Variants in BAHCC1 observed in about 807,000 individuals in gnomAD.
BAHCC1 encodes the protein BAH and coiled-coil domain-containing protein 1.
Under a neutral mutation model 88.2 loss-of-function variants are expected in BAHCC1, and 43 were observed. The ratio of observed to expected loss-of-function variants is 0.49; its 90% CI spans 0.38 to 0.63. The LOEUF (loss-of-function observed/expected upper bound fraction) is 0.63. Ranked by LOEUF, BAHCC1 falls within the 20% of genes least tolerant of loss-of-function variation. The pLI, the probability that BAHCC1 is intolerant of heterozygous loss-of-function variation, is 0.00. For missense variants in BAHCC1, 3,023 were observed against 1,654.8 expected, an observed-to-expected ratio of 1.83 and a Z score of -14.34; for synonymous variants, 1,510 against 745.5, an observed-to-expected ratio of 2.03 and a Z score of -16.71.
chr17:81,444,355 G>T (rs1555653627), intron 6 of BAHCC1, 26 bp from the exon 7 acceptor site: 1 of 719,148 alleles, frequency 1.4e-6, no homozygotes, highest in Admixed American at 1.9e-5. Flanking sequence ...GGCGCCGGCG[G>T]CAGGGCTGAG....
In BAHCC1 at chr17:81,414,084, G is replaced by T. The variant is rs116191208; in HGVS notation, c.179-12716G>T. On this transcript the variant is annotated intron_variant, in intron 2 of 27. Transcript: ENST00000675386. ...CTAGACTCTCCTCTGAAGCTGTGGGGGTGCCTTCTGAGCCCTGACCCGTGC... is the reference window on the plus strand; with the variant it reads ...CTAGACTCTCCTCTGAAGCTGTGGGTGTGCCTTCTGAGCCCTGACCCGTGC... Among the ~76,000 whole-genome samples the T allele has an allele frequency of 1.5e-3, 223 of 152,306 alleles. 1 individual carries two copies. The highest frequency in any genetic ancestry group is 5.1e-3 in the African/African-American group (214 of 41,566).
chr17:81,460,238 T>TG (rs1555658704), intron 23 of BAHCC1, 39 bp from the exon 24 acceptor site: 1 of 730,866 alleles, frequency 1.4e-6, no homozygotes, highest in Non-Finnish European at 2.5e-6. Context: ...GGGCGCCTAC[T>TG]GGGGGTTCCA....
At chr17:81,423,066 G>A (rs908963797) in intron 2 of BAHCC1, among the ~76,000 whole-genome samples, 4 of 152,072 alleles carry the variant, frequency 2.6e-5, no homozygotes, top group Non-Finnish European at 5.9e-5. Context: ...CCCCTGGCTC[G>A]CGGGCACCTT....
Position 81,411,494 on chromosome 17 carries a change from G to T in BAHCC1, c.178+11577G>T, listed in dbSNP as rs1018726552. The T allele has an allele frequency of 6.0e-4, 178 of 295,896 alleles. No individual in the cohort carries two copies. The African/African-American group carries it at 6.1e-3, about 10-fold the overall frequency. 18.3% of individuals were successfully genotyped at this position (295,896 alleles called of 1,614,324 possible). ...CCCACCCCTGCCTGCCTGCCTGCCT[G>T]CCTGCCTGCCTGCCTGCCTGCCTTC... On this transcript the variant is annotated intron_variant, in intron 2 of 27. Coordinates refer to ENST00000675386, the MANE Select transcript of BAHCC1 (RefSeq NM_001377448.1). The surrounding 1 kb of genome is among the most constrained non-coding windows in gnomAD (Gnocchi z 6.2).
In BAHCC1 at chr17:81,445,348, T is replaced by G. The variant is rs1940383489; in HGVS notation, c.2836-6T>G. On this transcript the variant is annotated splice_region_variant and splice_polypyrimidine_tract_variant and intron_variant, in intron 9 of 27. Coordinates refer to ENST00000675386, the MANE Select transcript of BAHCC1 (RefSeq NM_001377448.1). ...GCCTGACCGAGCTTGCCCCCATCCC[T>G]GACAGCGGAAGCCCGAAGACCAGCA... 1.3e-6 allele frequency: 1 copy of G among 771,394 alleles called. No homozygotes were observed. The highest frequency in any genetic ancestry group is 1.7e-5 in the African/African-American group (1 of 58,842). 47.8% of individuals were successfully genotyped at this position (771,394 alleles called of 1,614,324 possible). A position where few individuals can be genotyped will look rare whatever the true frequency, so the allele number is the denominator to read the frequency against.
chr17:81,431,948 A>G (rs2064265664), intron 3 of BAHCC1, among the ~76,000 whole-genome samples: 1 of 152,190 alleles, frequency 6.6e-6, no homozygotes, highest in South Asian at 2.1e-4. Context: ...CAGGCACCGC[A>G]GGACAGGGCA....
Position 81,457,326 on chromosome 17 carries a change from C to T in BAHCC1, c.4859-84C>T, listed in dbSNP as rs1035425127. ...GCTCCACTCACAGCCCCGCCATAACCGCATGCCCAGAGGGTCACCTCCCCC... is the reference window on the plus strand; with the variant it reads ...GCTCCACTCACAGCCCCGCCATAACTGCATGCCCAGAGGGTCACCTCCCCC... On this transcript the variant is annotated intron_variant, in intron 16 of 27. Coordinates refer to ENST00000675386, the MANE Select transcript of BAHCC1 (RefSeq NM_001377448.1). 73 of 682,922 alleles carry T rather than the reference C, an allele frequency of 1.1e-4. 1 individual carries two copies. Among genetic ancestry groups the T allele is most frequent in the Non-Finnish European group, 1.5e-4 (56 of 370,888 alleles). The allele number at this position is 682,922 out of a possible 1,614,324, so 42.3% of individuals were successfully genotyped here.
In BAHCC1 at chr17:81,461,619, C is replaced by T; in HGVS notation, c.6956C>T (p.Ser2319Phe). The change falls in exon 26 of 28, where the codon TCC (serine) becomes TTC (phenylalanine). Residue 2319 changes from serine (S) to phenylalanine (F), a missense_variant. Coordinates refer to ENST00000675386, the MANE Select transcript of BAHCC1 (RefSeq NM_001377448.1). ...CTCGCCCGCCTGTCCGTGTCCTCTT[C>T]CTCCTCTGGCTCGTCCACCTCCTCC... ...RFLARLSVSS[S>F]SSGSSTSSSS... The T allele has an allele frequency of 1.4e-6, 1 of 739,470 alleles. No homozygotes were observed. The highest frequency in any genetic ancestry group is 2.5e-5 in the East Asian group (1 of 39,494). 45.8% of individuals were successfully genotyped at this position (739,470 alleles called of 1,614,324 possible).
rs781788917 is a variant in BAHCC1 at position 81,461,364 on chromosome 17, G to A, written c.6701G>A (p.Ser2234Asn). The A allele has an allele frequency of 1.4e-6, 1 of 725,942 alleles. No individual in the cohort carries two copies. The highest frequency in any genetic ancestry group is 2.5e-6 in the Non-Finnish European group (1 of 394,224). 45.0% of individuals were successfully genotyped at this position (725,942 alleles called of 1,614,324 possible). ...TTGCTCATGGGGGACAAGGACTTCA[G>A]CCCCAAGCTCGGGCGGCCCCTGCCC... is the stretch of plus-strand genomic sequence containing the variant. ...KALLMGDKDFSPKLGRPLPSP... is the reference protein window; with the variant it reads ...KALLMGDKDFNPKLGRPLPSP... Residue 2234 changes from serine to asparagine, a missense_variant, in exon 26 of 28, where the codon AGC (serine) becomes AAC (asparagine). Coordinates refer to ENST00000675386, the MANE Select transcript of BAHCC1 (RefSeq NM_001377448.1).
In BAHCC1 at chr17:81,434,841, G is replaced by A. The variant is rs1018616233; in HGVS notation, c.359-3529G>A. Among the ~76,000 whole-genome samples, 2 of 152,058 alleles carry A rather than the reference G, an allele frequency of 1.3e-5. No individual in the cohort carries two copies. Among genetic ancestry groups the A allele is most frequent in the African/African-American group, 4.8e-5 (2 of 41,390 alleles). On this transcript the variant is annotated intron_variant, in intron 3 of 27. Coordinates refer to ENST00000675386, the MANE Select transcript of BAHCC1 (RefSeq NM_001377448.1). This position sits in a 1 kb window ranked among gnomAD's most constrained non-coding sequence, Gnocchi z 4.9. ...AGGGCCTCGACGTGCGGGGCTGTTG[G>A]GAAAATGTGCTGTGTCAGAACGCAG...
In BAHCC1 at chr17:81,450,575, C is replaced by A. The variant is rs573548881; in HGVS notation, c.3977-1093C>A. Among the ~76,000 whole-genome samples the A allele has an allele frequency of 9.1e-4, 138 of 152,334 alleles. 1 individual carries two copies. The highest frequency in any genetic ancestry group is 1.8e-3 in the Admixed American group (27 of 15,308). ...CCTTCCTCCTGACCTGTGTTCAGCC[C>A]ATGGCCCTCCTGCCTGCCCCAGGGC... On this transcript the variant is annotated intron_variant, in intron 11 of 27. Coordinates refer to ENST00000675386, the MANE Select transcript of BAHCC1 (RefSeq NM_001377448.1).
chr17:81,449,293 G>A (rs945213631), intron 11 of BAHCC1, among the ~76,000 whole-genome samples: 33 of 150,188 alleles, frequency 2.2e-4, no homozygotes, highest in Admixed American at 1.3e-4. Flanking sequence ...CCCCACCCCT[G>A]CCCCTGCCCT....
chr17:81,451,950 C>T, intron 12 of BAHCC1, 21 bp from the exon 13 acceptor site: 1 of 611,034 alleles, frequency 1.6e-6, no homozygotes, highest in Non-Finnish European at 2.9e-6. Context: ...GGCTCACAGG[C>T]CCCTGTGCCC....
intron 1 of BAHCC1, among the ~76,000 whole-genome samples, chr17:81,397,397 A>G (rs1385176900): frequency 1.2e-4 from 18 of 144,326 alleles, no homozygotes; most frequent in African/African-American, 3.3e-4. Context: ...ATTGGAGAGA[A>G]AAAAAAAAAA....
At chr17:81,427,032 C>T (rs1466380565) in intron 3 of BAHCC1, 53 bp downstream of exon 3, 2 of 398,350 alleles carry the variant, frequency 5.0e-6, no homozygotes, top group Admixed American at 4.4e-5. Context: ...AGAGACTGAC[C>T]CTGGTGCCCG....
In BAHCC1 at chr17:81,458,484, G is replaced by T; in HGVS notation, c.5343+18G>T. 2.9e-6 allele frequency: 2 copies of T among 686,544 alleles called. No homozygotes were observed. Among genetic ancestry groups the T allele is most frequent in the Non-Finnish European group, 2.7e-6 (1 of 372,850 alleles). 42.5% of individuals were successfully genotyped at this position (686,544 alleles called of 1,614,324 possible). Reference sequence around the variant, plus strand: ...TGCTGCGGGTGAGGCTGGGCTCTGGGGTGCTGGGCGGAGAGGGTGGGTGCC... The same window carrying T: ...TGCTGCGGGTGAGGCTGGGCTCTGGTGTGCTGGGCGGAGAGGGTGGGTGCC... On this transcript the variant is annotated intron_variant, in intron 18 of 27. Transcript: ENST00000675386.
At chr17:81,432,910 T>A (rs71370215) in intron 3 of BAHCC1, among the ~76,000 whole-genome samples, 3 of 16,766 alleles carry the variant, frequency 1.8e-4, no homozygotes, top group East Asian at 6.4e-4. Flanking sequence ...AGGCCCACCC[T>A]TCCCCCCATC....
intron 10 of BAHCC1, chr17:81,446,760 C>T: frequency 3.2e-6 from 2 of 622,772 alleles, no homozygotes; most frequent in Non-Finnish European, 6.0e-6. Flanking sequence ...ACTCTGTTGC[C>T]CACGCTGGTC....
chr17:81,431,009 G>A (rs1337184781), intron 3 of BAHCC1, among the ~76,000 whole-genome samples: 15 of 138,898 alleles, frequency 1.1e-4, no homozygotes, highest in Admixed American at 6.2e-4. Context: ...AGGGGACAGC[G>A]TGGGGGTCTC....
Sources: gnomAD v4.1 joint callset for allele counts (sites outside exome capture counted in the v4.1 genomes callset) on GRCh38, gnomAD v4.1.1 for gene constraint, Gnocchi (gnomAD v3.1) non-coding constraint, MANE v1.5 for transcripts, NCBI Gene and HGNC (gene_info 2026-07-23, HGNC 2026-07-21) for gene names.